USP32: variants seen among roughly 807,000 people sequenced by gnomAD.
The protein encoded by USP32 is ubiquitin carboxyl-terminal hydrolase 32.
In USP32, 59 loss-of-function variants were observed where a neutral mutation model predicts 204.8. That is an observed-to-expected ratio of 0.29 (90% CI 0.23 to 0.36). The LOEUF is 0.36. Ranked by LOEUF, USP32 falls within the 10% of genes least tolerant of loss-of-function variation. The probability of loss-of-function intolerance (pLI) is 1.00; values close to 1 mark genes in which losing one functional copy is unlikely to be tolerated. For missense variants in USP32, 1,160 were observed against 1,946.4 expected (o/e 0.60, Z 7.60); for synonymous variants, 517 against 678.4 (o/e 0.76, Z 3.70).
intron 30 of USP32, 61 bp from the exon 31 acceptor site, chr17:60,183,514 T>C (rs1232110290): frequency 2.0e-5 from 30 of 1,508,834 alleles, no homozygotes; most frequent in Non-Finnish European, 5.3e-6. Flanking sequence ...AAAATTTACA[T>C]GGAAAAAACA....
intron 26 of USP32, among the ~76,000 whole-genome samples, chr17:60,202,859 T>A (rs1437296480): frequency 6.9e-6 from 1 of 145,020 alleles, no homozygotes; most frequent in Non-Finnish European, 1.5e-5. Flanking sequence ...GTTGAGGATG[T>A]CAAGATGAGA....
intron 9 of USP32, among the ~76,000 whole-genome samples, chr17:60,260,901 C>CA (rs999439320): frequency 3.3e-5 from 5 of 151,644 alleles, no homozygotes; most frequent in Non-Finnish European, 7.4e-5. Context: ...TAAAACAAAA[C>CA]AAAAAAAACC....
intron 5 of USP32, among the ~76,000 whole-genome samples, chr17:60,277,231 T>C (rs566029383): frequency 6.6e-6 from 1 of 152,310 alleles, no homozygotes; most frequent in East Asian, 1.9e-4. Flanking sequence ...GTCTGCACTT[T>C]GGGCCATCCT....
chr17:60,282,127 T>C (rs2086981414), intron 5 of USP32, among the ~76,000 whole-genome samples: 1 of 152,206 alleles, frequency 6.6e-6, no homozygotes, highest in Non-Finnish European at 1.5e-5. Context: ...TTTATTTCAA[T>C]GACTACCACG....
intron 7 of USP32, among the ~76,000 whole-genome samples, chr17:60,268,746 T>G (rs1206772508): frequency 1.3e-5 from 2 of 152,144 alleles, no homozygotes; most frequent in African/African-American, 4.8e-5. Flanking sequence ...ATAATAGAAT[T>G]ATGGCTATTA....
chr17:60,318,301 A>G (rs2088031743), intron 2 of USP32, among the ~76,000 whole-genome samples: 2 of 152,216 alleles, frequency 1.3e-5, no homozygotes, highest in South Asian at 4.1e-4. Flanking sequence ...CAAAGTGATG[A>G]CCTTTTGGCT....
intron 2 of USP32, among the ~76,000 whole-genome samples, chr17:60,314,248 C>G (rs951970696): frequency 6.9e-6 from 1 of 145,182 alleles, no homozygotes; most frequent in Middle Eastern, 3.8e-3. Context: ...CTCAAGCAAT[C>G]GTCCCACCTC....
chr17:60,179,176 A>G lies in USP32; in HGVS notation c.*79T>C. ...AATAACTACATTTAGCTTGCCTTTC[A>G]GTGACGCTTTTGCCAAATGTCAGCT... On this transcript the variant is annotated 3_prime_UTR_variant, in exon 34 of 34. Transcript: ENST00000300896. The G allele has an allele frequency of 1.3e-6, 2 of 1,490,170 alleles. No individual in the cohort carries two copies. Among genetic ancestry groups the G allele is most frequent in the Non-Finnish European group, 1.8e-6 (2 of 1,102,128 alleles). 92.3% of individuals were successfully genotyped at this position (1,490,170 alleles called of 1,614,324 possible). A position where few individuals can be genotyped will look rare whatever the true frequency, so the allele number is the denominator to read the frequency against.
At chr17:60,370,121 C>G (rs1176750213) in intron 1 of USP32, among the ~76,000 whole-genome samples, 4 of 151,982 alleles carry the variant, frequency 2.6e-5, no homozygotes, top group Non-Finnish European at 5.9e-5. Context: ...TCTCAGCTCA[C>G]TGCATCCTCC....
rs1252868654 is a variant in USP32, at chr17:60,265,296, A to T, written c.990+116T>A. The T allele has an allele frequency of 8.0e-6, 5 of 626,562 alleles. No homozygotes were observed. In the East Asian group the frequency reaches 1.2e-4, roughly 15 times the overall value. 38.8% of individuals were successfully genotyped at this position (626,562 alleles called of 1,614,324 possible). ...GGAGGTGTTTTACCCACAGGTCCAG[A>T]TAAGTACTTGGTAGGGAGGATGCCA... On this transcript the variant is annotated intron_variant, in intron 9 of 33. Transcript: ENST00000300896.
At chr17:60,269,361 G>T in intron 7 of USP32, 89 bp downstream of exon 7, 2 of 950,774 alleles carry the variant, frequency 2.1e-6, no homozygotes, top group Non-Finnish European at 3.2e-6. Context: ...AAAAATTCAA[G>T]CCTTAATCCA....
At chr17:60,230,434 G>A (rs1192456900) in intron 12 of USP32, among the ~76,000 whole-genome samples, 1 of 152,124 alleles carries the variant, frequency 6.6e-6, no homozygotes, top group Non-Finnish European at 1.5e-5. Flanking sequence ...AATTTGCTAG[G>A]CTAAATTTTA....
chr17:60,385,896 A>T (rs774079401), intron 1 of USP32, among the ~76,000 whole-genome samples: 9 of 151,988 alleles, frequency 5.9e-5, no homozygotes, highest in Non-Finnish European at 1.0e-4. Context: ...TATGTTAATG[A>T]ATACTAAGTC....
chr17:60,235,274 T>C (rs891893532), intron 12 of USP32, among the ~76,000 whole-genome samples: 7 of 152,206 alleles, frequency 4.6e-5, no homozygotes, highest in Non-Finnish European at 8.8e-5. Context: ...TACCCCAATA[T>C]TCTCATTTTT....
chr17:60,199,915 G>T (rs1274415462), intron 26 of USP32, among the ~76,000 whole-genome samples: 2 of 152,150 alleles, frequency 1.3e-5, no homozygotes, highest in African/African-American at 4.8e-5. Flanking sequence ...TCAAGCCAGG[G>T]CCAGGTGCAG....
intron 5 of USP32, 76 bp from the exon 6 acceptor site, chr17:60,271,557 T>C (rs917883439): frequency 1.5e-5 from 21 of 1,409,488 alleles, no homozygotes; most frequent in Non-Finnish European, 1.8e-5. Context: ...TGATAATATA[T>C]CTTCCACAGA....
chr17:60,234,869 C>T (rs929501867), intron 12 of USP32, among the ~76,000 whole-genome samples: 1 of 152,030 alleles, frequency 6.6e-6, no homozygotes, highest in African/African-American at 2.4e-5. Context: ...AGCCAGACTT[C>T]ATTCTTAAGT....
At chr17:60,422,340 G>C in exon 1 of USP32, 1 of 889,286 alleles carries the variant, frequency 1.1e-6, no homozygotes, top group Non-Finnish European at 1.6e-6. Context: ...GTCTTCGCTC[G>C]ACCCCGCACA....
intron 1 of USP32, among the ~76,000 whole-genome samples, chr17:60,368,436 A>AAG (rs1458647729): frequency 6.6e-6 from 1 of 152,206 alleles, no homozygotes; most frequent in Non-Finnish European, 1.5e-5. Context: ...AAACATTTAA[A>AAG]AGAGCTTCTC....
Sources: gnomAD v4.1 joint callset for allele counts (sites outside exome capture counted in the v4.1 genomes callset) on GRCh38, gnomAD v4.1.1 for gene constraint, MANE v1.5 for transcripts, NCBI Gene and HGNC (gene_info 2026-07-23, HGNC 2026-07-21) for gene names.